The following HIVEP3 variants were observed in gnomAD, a reference collection of about 807,000 sequenced individuals.
The protein encoded by HIVEP3 is HIVEP zinc finger 3, also known as transcription factor HIVEP3.
In HIVEP3, 49 loss-of-function variants were observed where a neutral mutation model predicts 152.8. That is an observed-to-expected ratio of 0.32 (90% CI 0.26 to 0.41). The LOEUF is 0.41. HIVEP3 is among the 10% of genes least tolerant of loss of function. HIVEP3 has a pLI of 1.00. For missense variants in HIVEP3, 2,790 were observed against 3,103.3 expected (o/e 0.90, Z 2.40); for synonymous variants, 1,269 against 1,289.0 (o/e 0.98, Z 0.33).
Position 41,582,971 on chromosome 1 carries a change from G to A in HIVEP3, c.1827C>T (p.Ser609=), listed in dbSNP as rs771375101. 9.9e-6 allele frequency: 16 copies of A among 1,613,936 alleles called. No homozygotes were observed. The highest frequency in any genetic ancestry group is 1.7e-5 in the Admixed American group (1 of 60,000). The part of the protein sequence containing the change: ...GEYSSEEPGP[S]SKDTASKPSD... The stretch of plus-strand genomic sequence containing the variant: ...AGGGCTTGGAGGCTGTGTCTTTGCT[G>A]CTTGGGCCAGGCTCCTCAGAACTGT... The change falls in exon 4 of 9, where the codon AGC becomes AGT. Residue 609 remains serine, a synonymous_variant. Transcript: ENST00000372583. This position sits in a 1 kb window ranked among gnomAD's most constrained non-coding sequence, Gnocchi z 4.7.
intron 5 of HIVEP3, among the ~76,000 whole-genome samples, chr1:41,526,865 A>C (rs1642961606): frequency 7.6e-6 from 1 of 132,286 alleles, no homozygotes; most frequent in South Asian, 2.6e-4. Context: ...TAACACGCTC[A>C]CACACAGCCT....
At chr1:41,979,798 G>C (rs758741683) in intron 1 of HIVEP3, among the ~76,000 whole-genome samples, 14 of 152,068 alleles carry the variant, frequency 9.2e-5, no homozygotes, top group Non-Finnish European at 2.1e-4. Context: ...ATAGATATTT[G>C]GGAAAATTTG....
At chr1:41,527,623 C>T (rs1364192894) in intron 5 of HIVEP3, among the ~76,000 whole-genome samples, 3 of 143,980 alleles carry the variant, frequency 2.1e-5, no homozygotes, top group Admixed American at 1.4e-4. Context: ...CCCACCCTCA[C>T]ACTCGCACTC....
intron 1 of HIVEP3, among the ~76,000 whole-genome samples, chr1:42,032,651 C>T (rs1645619615): frequency 6.6e-6 from 1 of 152,112 alleles, no homozygotes; most frequent in Non-Finnish European, 1.5e-5. Context: ...TATTGCCCCC[C>T]TCCCCCACCA....
In HIVEP3 at chr1:41,581,583, G is replaced by A. The variant is rs760311827; in HGVS notation, c.3215C>T (p.Pro1072Leu). Residue 1072 changes from proline (P) to leucine (L), a missense_variant, in exon 4 of 9, where the codon CCA becomes CTA. Coordinates refer to ENST00000372583, the MANE Select transcript of HIVEP3 (RefSeq NM_024503.5). This position sits in a 1 kb window ranked among gnomAD's most constrained non-coding sequence, Gnocchi z 4.5. ...APKGRQESEEPQPSSSKPSAK... is the reference protein window; with the variant it reads ...APKGRQESEELQPSSSKPSAK... ...AGAGGGTTTACTGGATGAGGGCTGT[G>A]GTTCTTCGCTCTCCTGTCTTCCCTT... 17 of 1,613,180 alleles carry A rather than the reference G, an allele frequency of 1.1e-5. No individual in the cohort carries two copies. The highest frequency in any genetic ancestry group is 1.4e-5 in the Non-Finnish European group (17 of 1,179,710).
At chr1:41,915,211 T>G (rs1002617730) in intron 1 of HIVEP3, among the ~76,000 whole-genome samples, 1 of 152,178 alleles carries the variant, frequency 6.6e-6, no homozygotes, top group Non-Finnish European at 1.5e-5. Context: ...TAATTTTAAC[T>G]TCTATGGATA....
At chr1:41,835,663 C>T (rs541282666) in intron 1 of HIVEP3, among the ~76,000 whole-genome samples, 6 of 152,178 alleles carry the variant, frequency 3.9e-5, no homozygotes, top group Non-Finnish European at 5.9e-5. Context: ...AGTTAGTCAA[C>T]GCAGAGGAAA....
intron 3 of HIVEP3, among the ~76,000 whole-genome samples, chr1:41,619,522 T>C (rs2149139954): frequency 6.6e-6 from 1 of 152,346 alleles, no homozygotes; most frequent in South Asian, 2.1e-4. Context: ...GCAGGTGTTT[T>C]GTGCTTTGTC....
rs141710039 is a variant in HIVEP3 at position 41,759,026 on chromosome 1, A to G, written c.-800-58031T>C. Among the ~76,000 whole-genome samples the G allele has an allele frequency of 1.1e-4, 16 of 152,238 alleles. No homozygotes were observed. In the East Asian group the frequency reaches 3.1e-3, roughly 30 times the overall value. ...AGTGCTTTCGCAGTGTTGTGCAACCATCACCACTATCAAGGTCCAGAACTT... is the reference window on the plus strand; with the variant it reads ...AGTGCTTTCGCAGTGTTGTGCAACCGTCACCACTATCAAGGTCCAGAACTT... On this transcript the variant is annotated intron_variant, in intron 1 of 8. Transcript: ENST00000372583.
At chr1:41,703,577 G>A (rs555688589) in intron 1 of HIVEP3, among the ~76,000 whole-genome samples, 21 of 152,140 alleles carry the variant, frequency 1.4e-4, no homozygotes, top group Admixed American at 2.6e-4. Flanking sequence ...GATCCAATCC[G>A]TGTACAATCC....
intron 5 of HIVEP3, among the ~76,000 whole-genome samples, chr1:41,555,956 A>T (rs556750515): frequency 6.6e-6 from 1 of 152,348 alleles, no homozygotes. Flanking sequence ...TGTGGCAGGT[A>T]TCAGAATGTC....
intron 1 of HIVEP3, among the ~76,000 whole-genome samples, chr1:41,871,890 C>A (rs6668503): frequency 0.084 from 12,762 of 152,176 alleles, 1,702 homozygotes; most frequent in African/African-American, 0.29. Context: ...ACCACCAGAT[C>A]TCTTTATACT....
At chr1:41,854,439 C>G (rs552796358) in intron 1 of HIVEP3, among the ~76,000 whole-genome samples, 112 of 152,044 alleles carry the variant, frequency 7.4e-4, no homozygotes, top group Admixed American at 4.1e-3. Context: ...GTTCGCTCAC[C>G]CCTCTGAGCT....
intron 1 of HIVEP3, among the ~76,000 whole-genome samples, chr1:41,787,678 G>A (rs117803164): frequency 0.027 from 4,052 of 150,810 alleles, 106 homozygotes; most frequent in East Asian, 0.075. Context: ...GCAGCACCAT[G>A]CCCAGCTAAT....
chr1:41,566,923 G>A (rs1265669209), intron 5 of HIVEP3, among the ~76,000 whole-genome samples: 1 of 151,862 alleles, frequency 6.6e-6, no homozygotes, highest in East Asian at 1.9e-4. Context: ...CCCCAAGATG[G>A]CCCATCTTGG....
intron 1 of HIVEP3, among the ~76,000 whole-genome samples, chr1:41,745,899 C>G (rs1056546160): frequency 1.3e-4 from 20 of 152,226 alleles, no homozygotes; most frequent in African/African-American, 4.8e-4. Context: ...TGAATCCTAG[C>G]AGATCTGGTC....
At chr1:42,020,405 C>T (rs933826339) in intron 1 of HIVEP3, among the ~76,000 whole-genome samples, 1 of 151,944 alleles carries the variant, frequency 6.6e-6, no homozygotes, top group Non-Finnish European at 1.5e-5. Flanking sequence ...TAGCTCTATT[C>T]AGGTTTTCTA....
intron 1 of HIVEP3, among the ~76,000 whole-genome samples, chr1:41,721,558 G>A (rs1279713454): frequency 6.6e-6 from 1 of 152,172 alleles, no homozygotes; most frequent in African/African-American, 2.4e-5. Context: ...ACGTAGGTAG[G>A]TGCATAGGTT....
intron 1 of HIVEP3, among the ~76,000 whole-genome samples, chr1:41,973,557 G>GCAGAGA (rs941224927): frequency 6.6e-6 from 1 of 152,224 alleles, no homozygotes; most frequent in Non-Finnish European, 1.5e-5. Context: ...AAAGAGAGAG[G>GCAGAGA]CAGAGACAGA....
Sources: allele counts gnomAD v4.1 joint callset (sites outside exome capture counted in the v4.1 genomes callset), GRCh38; gene constraint gnomAD v4.1.1; non-coding constraint Gnocchi (gnomAD v3.1); transcripts MANE v1.5; gene names NCBI Gene and HGNC (gene_info 2026-07-23, HGNC 2026-07-21).